The following DPY19L1 variants were observed in gnomAD, a reference collection of about 807,000 sequenced individuals.
The protein encoded by DPY19L1 is protein C-mannosyl-transferase DPY19L1.
DPY19L1 carries 35 observed loss-of-function variants against 96.9 expected under a neutral mutation model. The ratio of observed to expected loss-of-function variants is 0.36; its 90% CI spans 0.28 to 0.48. DPY19L1 has a LOEUF of 0.48. DPY19L1 is among the 20% of genes least tolerant of loss of function. The pLI, the probability that DPY19L1 is intolerant of heterozygous loss-of-function variation, is 0.99. For synonymous variants in DPY19L1, 205 were observed against 252.6 expected (o/e 0.81, Z 1.79); for missense variants, 521 against 777.9 (o/e 0.67, Z 3.93).
intron 20 of DPY19L1, chr7:34,939,052 T>C: frequency 2.3e-6 from 1 of 426,774 alleles, no homozygotes. Flanking sequence ...TTTATATGCC[T>C]GGTAGAGAAG....
chr7:35,010,812 C>A lies in DPY19L1; in HGVS notation c.671-251G>T, dbSNP rs557138727. On this transcript the variant is annotated intron_variant, in intron 5 of 21. Coordinates refer to ENST00000638088, the MANE Select transcript of DPY19L1 (RefSeq NM_001366673.1). ...TCCTCTGGAGGTATGGGGTCTATAG[C>A]CCCCATTTTTGAGTTTCATTGGGCT... Among the ~76,000 whole-genome samples the A allele has an allele frequency of 3.3e-5, 5 of 152,172 alleles. No individual in the cohort carries two copies. The East Asian group carries it at 7.7e-4, about 24-fold the overall frequency.
In DPY19L1 at chr7:35,011,450, C is replaced by T; in HGVS notation, c.550G>A (p.Val184Ile). ...TLKRFNLYPE[V>I]ILASWYRIYT... is the part of the protein sequence containing the mutation. ...ATCCGGTACCAACTGGCCAAAATTA[C>T]CTATTTTAAAAAATACAGAGGCATC... is the stretch of plus-strand genomic sequence containing the variant. The change falls in exon 5 of 22, where the codon GTA becomes ATA. Residue 184 changes from valine to isoleucine, a missense_variant and splice_region_variant. Coordinates refer to ENST00000638088, the MANE Select transcript of DPY19L1 (RefSeq NM_001366673.1). 1.3e-6 allele frequency: 2 copies of T among 1,594,924 alleles called. No homozygotes were observed. Among genetic ancestry groups the T allele is most frequent in the Non-Finnish European group, 1.7e-6 (2 of 1,174,630 alleles).
chr7:34,979,505 T>C (rs575962264), intron 7 of DPY19L1, among the ~76,000 whole-genome samples: 1 of 152,238 alleles, frequency 6.6e-6, no homozygotes, highest in South Asian at 2.1e-4. Flanking sequence ...ACCTCCTTAG[T>C]AGAATATACT....
chr7:35,012,147 C>A (rs532061266), intron 4 of DPY19L1, among the ~76,000 whole-genome samples: 21 of 152,330 alleles, frequency 1.4e-4, no homozygotes, highest in African/African-American at 5.1e-4. Context: ...CCCCTACCCA[C>A]GGGCAATCTG....
At chr7:34,961,623 T>C (rs1281071333) in intron 10 of DPY19L1, among the ~76,000 whole-genome samples, 1 of 152,156 alleles carries the variant, frequency 6.6e-6, no homozygotes, top group African/African-American at 2.4e-5. Flanking sequence ...AGGTACAATT[T>C]ATGAAAGAAA....
intron 1 of DPY19L1, among the ~76,000 whole-genome samples, chr7:35,031,370 T>C (rs1319372657): frequency 6.6e-6 from 1 of 152,244 alleles, no homozygotes; most frequent in African/African-American, 2.4e-5. Flanking sequence ...GTGTGTATGT[T>C]ATAGGCTAAT....
At chr7:34,996,100 T>C (rs757125303) in intron 6 of DPY19L1, among the ~76,000 whole-genome samples, 12 of 152,322 alleles carry the variant, frequency 7.9e-5, no homozygotes, top group Non-Finnish European at 1.5e-4. Flanking sequence ...ACTGAAGTTA[T>C]TTACTTATTA....
chr7:35,008,183 C>A (rs775437989), intron 6 of DPY19L1, among the ~76,000 whole-genome samples: 12 of 152,248 alleles, frequency 7.9e-5, no homozygotes, highest in Non-Finnish European at 1.3e-4. Flanking sequence ...TTTCTCCTGC[C>A]TCTGAAGTTC....
Position 34,939,283 on chromosome 7 carries a change from C to T in DPY19L1, c.1957G>A (p.Gly653Ser), listed in dbSNP as rs1179787696. Residue 653 changes from glycine (G) to serine (S), a missense_variant, in exon 20 of 22, where the codon GGC becomes AGC. Coordinates refer to ENST00000638088, the MANE Select transcript of DPY19L1 (RefSeq NM_001366673.1). ...GCAAGACTGTGCACTGACCTCAAGCCTGCGTCTTCATAATGTGGATGATTC... is the reference window on the plus strand; with the variant it reads ...GCAAGACTGTGCACTGACCTCAAGCTTGCGTCTTCATAATGTGGATGATTC... ...IVNHPHYEDA[G>S]LRARTKIVYS... 2 of 1,613,264 alleles carry T rather than the reference C, an allele frequency of 1.2e-6. No homozygotes were observed. Among genetic ancestry groups the T allele is most frequent in the Non-Finnish European group, 1.7e-6 (2 of 1,179,838 alleles).
chr7:34,932,174 T>TA (rs1469918019), intron 21 of DPY19L1, among the ~76,000 whole-genome samples: 2 of 152,200 alleles, frequency 1.3e-5, no homozygotes, highest in East Asian at 3.8e-4. Context: ...GACATTGATT[T>TA]AAAAAATTAT....
At chr7:34,996,899 G>A (rs1466884886) in intron 6 of DPY19L1, among the ~76,000 whole-genome samples, 1 of 152,204 alleles carries the variant, frequency 6.6e-6, no homozygotes, top group East Asian at 1.9e-4. Context: ...AGCAGCCTGG[G>A]AGCAAGACTG....
intron 1 of DPY19L1, among the ~76,000 whole-genome samples, chr7:35,030,701 A>ATAGAAAGC (rs1315001218): frequency 1.3e-5 from 2 of 152,200 alleles, no homozygotes; most frequent in Non-Finnish European, 2.9e-5. Flanking sequence ...TGCTGAGAAA[A>ATAGAAAGC]TAGAAAGCAG....
intron 1 of DPY19L1, among the ~76,000 whole-genome samples, chr7:35,027,668 T>TAAAAGAAAAAAAAAAAAAAA (rs1786158270): frequency 1.4e-5 from 1 of 71,410 alleles, no homozygotes; most frequent in African/African-American, 4.4e-5. Flanking sequence ...CCGTCTCTAC[T>TAAAAGAAAAAAAAAAAAAAA]AAAAAAAAAA....
intron 7 of DPY19L1, among the ~76,000 whole-genome samples, chr7:34,983,875 G>T (rs546878799): frequency 6.6e-6 from 1 of 152,172 alleles, no homozygotes; most frequent in East Asian, 1.9e-4. Context: ...AAACAAAAGT[G>T]TTCAATGAAC....
At chr7:35,026,113 T>C (rs1786113706) in intron 1 of DPY19L1, among the ~76,000 whole-genome samples, 1 of 152,146 alleles carries the variant, frequency 6.6e-6, no homozygotes, top group Non-Finnish European at 1.5e-5. Context: ...GCTTCTGACA[T>C]ACAGTCAAGG....
chr7:35,022,747 C>G (rs550858124), intron 1 of DPY19L1, among the ~76,000 whole-genome samples: 78 of 152,048 alleles, frequency 5.1e-4, no homozygotes, highest in Non-Finnish European at 9.9e-4. Flanking sequence ...TCCTAATAAC[C>G]TCAATTGAAT....
intron 3 of DPY19L1, among the ~76,000 whole-genome samples, chr7:35,015,055 C>A (rs558147531): frequency 6.6e-6 from 1 of 152,274 alleles, no homozygotes; most frequent in East Asian, 1.9e-4. Flanking sequence ...CTGCTAATCT[C>A]TGGAACTGTG....
At chr7:34,958,290 TTATA>T (rs997087722) in intron 10 of DPY19L1, among the ~76,000 whole-genome samples, 105 of 152,302 alleles carry the variant, frequency 6.9e-4, no homozygotes, top group African/African-American at 2.4e-3. Context: ...AAATTCTAGT[TTATA>T]TATTTTGTAA....
At chr7:34,985,690 TGGA>T (rs1785032862) in intron 7 of DPY19L1, among the ~76,000 whole-genome samples, 1 of 152,082 alleles carries the variant, frequency 6.6e-6, no homozygotes, top group African/African-American at 2.4e-5. Context: ...GGAGAGGATG[TGGA>T]GAAGAGGGAA....
Sources: gnomAD v4.1 joint callset for allele counts (sites outside exome capture counted in the v4.1 genomes callset) on GRCh38, gnomAD v4.1.1 for gene constraint, MANE v1.5 for transcripts, NCBI Gene and HGNC (gene_info 2026-07-23, HGNC 2026-07-21) for gene names.